ELP4: variants seen among roughly 807,000 people sequenced by gnomAD.
The protein encoded by ELP4 is elongator acetyltransferase complex subunit 4, also known as elongator complex protein 4.
A neutral mutation model predicts 48.9 loss-of-function variants in ELP4; 51 were observed. That is an observed-to-expected ratio of 1.04 (90% CI 0.83 to 1.32). The LOEUF (loss-of-function observed/expected upper bound fraction) is 1.32. ELP4 is among the 40% of genes most tolerant of loss of function. ELP4 has a pLI of 0.00. For synonymous variants in ELP4, 210 were observed against 189.2 expected, an observed-to-expected ratio of 1.11 and a Z score of -0.90; for missense variants, 519 against 514.6, an observed-to-expected ratio of 1.01 and a Z score of -0.08.
chr11:31,744,794 G>A (rs1043086664), intron 9 of ELP4, among the ~76,000 whole-genome samples: 14 of 151,878 alleles, frequency 9.2e-5, no homozygotes, highest in Admixed American at 9.2e-4. Flanking sequence ...TACTGAATGG[G>A]CAAAAACTGG....
chr11:31,723,725 C>A (rs1172729963), intron 9 of ELP4, among the ~76,000 whole-genome samples: 1 of 152,162 alleles, frequency 6.6e-6, no homozygotes. Flanking sequence ...AGGATTCAAA[C>A]CCTGACAGTC....
At chr11:31,538,091 A>C (rs1353949110) in intron 2 of ELP4, among the ~76,000 whole-genome samples, 1 of 152,022 alleles carries the variant, frequency 6.6e-6, no homozygotes, top group African/African-American at 2.4e-5. Flanking sequence ...AAATTTATCC[A>C]AAATATTTAA....
At chr11:31,644,023 C>T (rs563603762) in intron 7 of ELP4, among the ~76,000 whole-genome samples, 1 of 151,902 alleles carries the variant, frequency 6.6e-6, no homozygotes, top group South Asian at 2.1e-4. Flanking sequence ...ACTCTTAAAA[C>T]TCCTGGACAC....
chr11:31,724,028 G>A (rs1000974416), intron 9 of ELP4, among the ~76,000 whole-genome samples: 2 of 152,118 alleles, frequency 1.3e-5, no homozygotes, highest in Admixed American at 1.3e-4. Context: ...CAAAAATTGC[G>A]ACATTTTAAA....
intron 3 of ELP4, among the ~76,000 whole-genome samples, chr11:31,583,207 G>T (rs1449231565): frequency 1.3e-5 from 2 of 152,002 alleles, no homozygotes; most frequent in Non-Finnish European, 2.9e-5. Context: ...TTGCTGGTTT[G>T]TTTTCTAAGT....
chr11:31,783,357 CTTCT>C (rs1565152998), intron 9 of ELP4, 32 bp from the exon 10 acceptor site: 1 of 1,586,098 alleles, frequency 6.3e-7, no homozygotes, highest in African/African-American at 1.4e-5. Context: ...TTTCTTCTTT[CTTCT>C]TTTTTTCTTC....
chr11:31,520,219 G>T, intron 2 of ELP4, 128 bp downstream of exon 2: 1 of 733,622 alleles, frequency 1.4e-6, no homozygotes. Flanking sequence ...AAATTAGAGA[G>T]GAATTGACTT....
At chr11:31,718,724 A>T (rs1047882457) in intron 9 of ELP4, among the ~76,000 whole-genome samples, 1 of 152,216 alleles carries the variant, frequency 6.6e-6, no homozygotes, top group African/African-American at 2.4e-5. Flanking sequence ...ATGATGGTCA[A>T]ACTGCTTAGA....
intron 9 of ELP4, among the ~76,000 whole-genome samples, chr11:31,731,686 A>G (rs1002182577): frequency 1.3e-5 from 2 of 152,006 alleles, no homozygotes; most frequent in Non-Finnish European, 2.9e-5. Context: ...GGGGCTGGAA[A>G]TGTATATCCA....
chr11:31,538,531 T>C (rs1956540909), intron 2 of ELP4, among the ~76,000 whole-genome samples: 1 of 150,756 alleles, frequency 6.6e-6, no homozygotes. Flanking sequence ...AAAGTGAATA[T>C]ACCTCCATTT....
chr11:31,717,335 A>C (rs1009718407), intron 9 of ELP4, among the ~76,000 whole-genome samples: 1 of 152,218 alleles, frequency 6.6e-6, no homozygotes, highest in Admixed American at 6.5e-5. Flanking sequence ...AACAGAAATC[A>C]TAGACTTTTT....
At chr11:31,700,884 C>T (rs575188569) in intron 9 of ELP4, among the ~76,000 whole-genome samples, 2 of 152,102 alleles carry the variant, frequency 1.3e-5, no homozygotes, top group Admixed American at 1.3e-4. Flanking sequence ...TTTTCTTTCT[C>T]CTTGCCTATG....
At position 31,538,791 on chromosome 11, in the gene ELP4, G is replaced by T. The variant is rs916945018; in HGVS notation, c.260-871G>T. On this transcript the variant is annotated intron_variant, in intron 2 of 9. Transcript: ENST00000640961. ...TAGTCTGTAGCTTTCTGTTTCTGTT[G>T]TATCTTGTTCTATTTTGGTATTGGG... Among the ~76,000 whole-genome samples the T allele has an allele frequency of 3.3e-5, 5 of 152,082 alleles. No individual in the cohort carries two copies. The East Asian group carries it at 9.6e-4, about 29-fold the overall frequency.
intron 9 of ELP4, among the ~76,000 whole-genome samples, chr11:31,782,226 C>G (rs1948394019): frequency 6.6e-6 from 1 of 152,124 alleles, no homozygotes; most frequent in Middle Eastern, 3.2e-3. Context: ...AATAAAAAGC[C>G]TTTATTCAAG....
At chr11:31,627,665 A>G (rs929764403) in intron 6 of ELP4, among the ~76,000 whole-genome samples, 5 of 152,066 alleles carry the variant, frequency 3.3e-5, no homozygotes, top group African/African-American at 1.2e-4. Context: ...ATATTTTATA[A>G]CAACGATTTC....
chr11:31,656,785 C>G (rs1403215966), intron 9 of ELP4, among the ~76,000 whole-genome samples: 1 of 151,980 alleles, frequency 6.6e-6, no homozygotes, highest in Non-Finnish European at 1.5e-5. Context: ...TCTCTTCTCC[C>G]TTCTTCCTAA....
intron 9 of ELP4, among the ~76,000 whole-genome samples, chr11:31,768,801 TA>T (rs1190869223): frequency 2.6e-5 from 4 of 152,186 alleles, no homozygotes; most frequent in African/African-American, 9.7e-5. Context: ...TTCAGTCATG[TA>T]AATATGTTTC....
chr11:31,639,320 A>G (rs1945041123), intron 7 of ELP4, among the ~76,000 whole-genome samples: 1 of 151,934 alleles, frequency 6.6e-6, no homozygotes, highest in Admixed American at 6.6e-5. Context: ...TTTCAGTTTT[A>G]CATCATATTT....
At chr11:31,767,645 C>G (rs1390527838) in intron 9 of ELP4, 1 of 151,984 alleles carries the variant, frequency 6.6e-6, no homozygotes, top group East Asian at 1.9e-4. Flanking sequence ...AAATACTTTT[C>G]TTTTTTCTGA....
Sources: allele counts gnomAD v4.1 joint callset (sites outside exome capture counted in the v4.1 genomes callset), GRCh38; gene constraint gnomAD v4.1.1; transcripts MANE v1.5; gene names NCBI Gene and HGNC (gene_info 2026-07-23, HGNC 2026-07-21).